The following ZFPM2 variants were observed in gnomAD, a reference collection of about 807,000 sequenced individuals.
The protein encoded by ZFPM2 is zinc finger protein ZFPM2.
In ZFPM2, 20 loss-of-function variants were observed where a neutral mutation model predicts 98.6. The observed-to-expected ratio is 0.20, with a 90% CI of 0.14 to 0.29. The LOEUF (loss-of-function observed/expected upper bound fraction) is 0.29, where lower values mean the gene tolerates loss of function less well. Ranked by LOEUF, ZFPM2 falls within the 10% of genes least tolerant of loss-of-function variation. ZFPM2 has a pLI of 1.00. For missense variants in ZFPM2, 1,310 were observed against 1,388.6 expected, an observed-to-expected ratio of 0.94 and a Z score of 0.90; for synonymous variants, 518 against 502.7, an observed-to-expected ratio of 1.03 and a Z score of -0.41.
chr8:105,660,784 T>A (rs1175923856), intron 5 of ZFPM2, among the ~76,000 whole-genome samples: 2 of 152,232 alleles, frequency 1.3e-5, no homozygotes, highest in Admixed American at 1.3e-4. Flanking sequence ...CCTTAAAACG[T>A]AGGTATCTCT....
chr8:105,651,412 G>T (rs1817172751), intron 5 of ZFPM2, among the ~76,000 whole-genome samples: 1 of 149,554 alleles, frequency 6.7e-6, no homozygotes, highest in Non-Finnish European at 1.5e-5. Flanking sequence ...AGGTTGCAGT[G>T]AGCTGAAATT....
At chr8:105,762,629 C>T (rs1812757627) in intron 5 of ZFPM2, among the ~76,000 whole-genome samples, 1 of 151,846 alleles carries the variant, frequency 6.6e-6, no homozygotes, top group Non-Finnish European at 1.5e-5. Context: ...TCAGGAGTGT[C>T]GTTCATATAA....
At chr8:105,689,230 A>G (rs796712735) in intron 5 of ZFPM2, among the ~76,000 whole-genome samples, 10 of 152,184 alleles carry the variant, frequency 6.6e-5, no homozygotes, top group African/African-American at 1.9e-4. Flanking sequence ...CATGTATTCT[A>G]TCAAGTCACA....
intron 5 of ZFPM2, among the ~76,000 whole-genome samples, chr8:105,644,359 T>C (rs1237962639): frequency 6.6e-6 from 1 of 151,322 alleles, no homozygotes; most frequent in Non-Finnish European, 1.5e-5. Flanking sequence ...GGCCTCAGCT[T>C]CTCAAAGTGC....
chr8:105,354,834 G>A (rs763100254), intron 1 of ZFPM2, among the ~76,000 whole-genome samples: 1 of 152,020 alleles, frequency 6.6e-6, no homozygotes, highest in Non-Finnish European at 1.5e-5. Context: ...CGCACCTGTG[G>A]TCCCACCTAC....
chr8:105,503,539 CTG>C (rs1813638299), intron 3 of ZFPM2, among the ~76,000 whole-genome samples: 1 of 152,142 alleles, frequency 6.6e-6, no homozygotes, highest in African/African-American at 2.4e-5. Flanking sequence ...GGAAAAAAGA[CTG>C]GCCTGGCTCT....
chr8:105,629,092 C>T (rs1387077863), intron 4 of ZFPM2, among the ~76,000 whole-genome samples: 1 of 152,196 alleles, frequency 6.6e-6, no homozygotes, highest in Non-Finnish European at 1.5e-5. Context: ...CTTCCTGCAC[C>T]TGCTCACCTG....
intron 3 of ZFPM2, among the ~76,000 whole-genome samples, chr8:105,515,745 C>T (rs1002384389): frequency 1.3e-5 from 2 of 151,964 alleles, no homozygotes; most frequent in Non-Finnish European, 2.9e-5. Context: ...TAGACTTATT[C>T]TTAGATTAGT....
At chr8:105,625,334 C>A (rs1816631864) in intron 4 of ZFPM2, among the ~76,000 whole-genome samples, 1 of 151,996 alleles carries the variant, frequency 6.6e-6, no homozygotes, top group South Asian at 2.1e-4. Flanking sequence ...AAGATAGGTT[C>A]TTTTAATAGG....
At chr8:105,386,657 G>C (rs1167123820) in intron 1 of ZFPM2, among the ~76,000 whole-genome samples, 2 of 152,156 alleles carry the variant, frequency 1.3e-5, no homozygotes, top group African/African-American at 2.4e-5. Context: ...AAAGAACAAA[G>C]CTTCCACAAT....
chr8:105,330,847 T>G (rs1409829292), intron 1 of ZFPM2, among the ~76,000 whole-genome samples: 1 of 149,958 alleles, frequency 6.7e-6, no homozygotes, highest in African/African-American at 2.4e-5. Context: ...GAGAAAACAA[T>G]TGAATTTTCC....
chr8:105,515,235 A>C (rs1372638298), intron 3 of ZFPM2, among the ~76,000 whole-genome samples: 1 of 152,226 alleles, frequency 6.6e-6, no homozygotes, highest in Non-Finnish European at 1.5e-5. Context: ...AGTTTTAGTA[A>C]ATTCAGATTT....
At chr8:105,362,545 A>C (rs913539529) in intron 1 of ZFPM2, among the ~76,000 whole-genome samples, 8 of 152,080 alleles carry the variant, frequency 5.3e-5, no homozygotes, top group Non-Finnish European at 1.2e-4. Context: ...CGTTCTGTTG[A>C]TTATATTTAT....
chr8:105,697,060 G>T (rs998600780), intron 5 of ZFPM2, among the ~76,000 whole-genome samples: 10 of 152,130 alleles, frequency 6.6e-5, no homozygotes, highest in African/African-American at 2.4e-4. Context: ...CCAATTTTCT[G>T]TGAACACATG....
intron 4 of ZFPM2, among the ~76,000 whole-genome samples, chr8:105,606,882 A>G (rs1008720329): frequency 3.9e-5 from 6 of 152,120 alleles, no homozygotes; most frequent in Non-Finnish European, 8.8e-5. Context: ...GGTTCTTTCC[A>G]CAATTTGTTT....
intron 1 of ZFPM2, among the ~76,000 whole-genome samples, chr8:105,390,643 C>T (rs1034895312): frequency 1.3e-5 from 2 of 152,212 alleles, no homozygotes; most frequent in African/African-American, 4.8e-5. Context: ...ACATTCCTAT[C>T]ACTTGAGAAA....
At chr8:105,608,220 T>C (rs993946830) in intron 4 of ZFPM2, among the ~76,000 whole-genome samples, 3 of 152,086 alleles carry the variant, frequency 2.0e-5, no homozygotes, top group African/African-American at 7.2e-5. Context: ...AAAAGATAAC[T>C]GTTGGGTACG....
chr8:105,474,918 T>A (rs1812982583), intron 3 of ZFPM2, among the ~76,000 whole-genome samples: 2 of 152,182 alleles, frequency 1.3e-5, no homozygotes, highest in African/African-American at 2.4e-5. Context: ...GGAAACCCAC[T>A]TTCTGAGCCT....
chr8:105,437,915 C>T (rs1259540210), intron 2 of ZFPM2, among the ~76,000 whole-genome samples: 2 of 151,948 alleles, frequency 1.3e-5, no homozygotes, highest in Non-Finnish European at 2.9e-5. Context: ...TGGTGGTGCG[C>T]ATCTGTAATC....
Sources: gnomAD v4.1 joint callset for allele counts (sites outside exome capture counted in the v4.1 genomes callset) on GRCh38, gnomAD v4.1.1 for gene constraint, MANE v1.5 for transcripts, NCBI Gene and HGNC (gene_info 2026-07-23, HGNC 2026-07-21) for gene names.